The following SGK3 variants were observed in gnomAD, a reference collection of about 807,000 sequenced individuals.
SGK3 encodes the protein serum/glucocorticoid regulated kinase family member 3.
Under a neutral mutation model 68.5 loss-of-function variants are expected in SGK3, and 47 were observed. That is an observed-to-expected ratio of 0.69 (90% CI 0.54 to 0.87). The LOEUF (loss-of-function observed/expected upper bound fraction) is 0.87. Ranked by LOEUF, SGK3 falls within the 40% of genes least tolerant of loss-of-function variation. SGK3 has a pLI of 0.00. For missense variants in SGK3, 479 were observed against 575.5 expected, an observed-to-expected ratio of 0.83 and a Z score of 1.72; for synonymous variants, 181 against 189.1, an observed-to-expected ratio of 0.96 and a Z score of 0.35.
chr8:66,724,570 T>C (rs76673989), intron 1 of SGK3, among the ~76,000 whole-genome samples: 20,099 of 152,114 alleles, frequency 0.13, 2,517 homozygotes, highest in African/African-American at 0.33. Flanking sequence ...AGCAATACTC[T>C]GTCTCAAGAA....
At chr8:66,742,033 A>T (rs1647676423) in intron 1 of SGK3, among the ~76,000 whole-genome samples, 1 of 152,244 alleles carries the variant, frequency 6.6e-6, no homozygotes. Flanking sequence ...GTCCTTGGGA[A>T]GTACATTACA....
At chr8:66,797,710 G>A (rs1205207338) in intron 2 of SGK3, among the ~76,000 whole-genome samples, 2 of 152,184 alleles carry the variant, frequency 1.3e-5, no homozygotes, top group African/African-American at 4.8e-5. Context: ...ACTAACAATT[G>A]AAGGTTTTTT....
chr8:66,823,886 A>G (rs940875265), intron 6 of SGK3, among the ~76,000 whole-genome samples: 13 of 152,194 alleles, frequency 8.5e-5, no homozygotes, highest in African/African-American at 2.9e-4. Flanking sequence ...CATAATTTAA[A>G]CTTTTAAACA....
chr8:66,798,315 C>G (rs947279199), intron 2 of SGK3, among the ~76,000 whole-genome samples: 2 of 151,970 alleles, frequency 1.3e-5, no homozygotes, highest in African/African-American at 2.4e-5. Context: ...GCCAAGAATA[C>G]CATTTGACAA....
intron 1 of SGK3, among the ~76,000 whole-genome samples, chr8:66,722,075 A>T (rs1421822879): frequency 6.6e-6 from 1 of 151,862 alleles, no homozygotes; most frequent in Non-Finnish European, 1.5e-5. Flanking sequence ...CCTGCTGGAG[A>T]CTCTTACAAG....
rs745971927 is a variant in SGK3, at chr8:66,798,598, T to C, written c.153T>C (p.Tyr51=). The change falls in exon 3 of 17, where the codon TAT becomes TAC. Residue 51 remains tyrosine, a synonymous_variant. Transcript: ENST00000521198. ...GRSEWFVFRR[Y]AEFDKLYNTL... is the part of the protein sequence containing the mutation. Reference sequence around the variant, plus strand: ...GTGAATGGTTTGTCTTCAGGAGATATGCAGAGTTTGATAAACTTTATAACA... The same window carrying C: ...GTGAATGGTTTGTCTTCAGGAGATACGCAGAGTTTGATAAACTTTATAACA... 14 of 1,611,552 alleles carry C rather than the reference T, an allele frequency of 8.7e-6. No homozygotes were observed. The highest frequency in any genetic ancestry group is 1.1e-5 in the Non-Finnish European group (13 of 1,178,738).
intron 1 of SGK3, among the ~76,000 whole-genome samples, chr8:66,764,305 G>C (rs1478550778): frequency 6.6e-6 from 1 of 151,790 alleles, no homozygotes; most frequent in Non-Finnish European, 1.5e-5. Flanking sequence ...TTATTTTGAA[G>C]TTATTTGAAG....
chr8:66,723,680 A>G (rs1008939760), intron 1 of SGK3, among the ~76,000 whole-genome samples: 2 of 152,102 alleles, frequency 1.3e-5, no homozygotes, highest in African/African-American at 4.8e-5. Context: ...CCTGGGCTCA[A>G]GTGTACCCAC....
chr8:66,840,137 G>A (rs1268189929), intron 11 of SGK3, 22 bp downstream of exon 11: 12 of 1,604,708 alleles, frequency 7.5e-6, no homozygotes, highest in Non-Finnish European at 7.7e-6. Flanking sequence ...AAATATACTT[G>A]TAAAAATTGT....
chr8:66,787,928 AACC>A (rs1162543850), intron 1 of SGK3, among the ~76,000 whole-genome samples: 1 of 152,176 alleles, frequency 6.6e-6, no homozygotes, highest in Non-Finnish European at 1.5e-5. Flanking sequence ...CTTACAGGTA[AACC>A]ACCACGTGTA....
intron 6 of SGK3, among the ~76,000 whole-genome samples, chr8:66,823,791 G>A (rs1808944591): frequency 6.6e-6 from 1 of 152,168 alleles, no homozygotes; most frequent in Non-Finnish European, 1.5e-5. Flanking sequence ...CGAAGGTTAT[G>A]TGGGAGAAGT....
At chr8:66,808,891 CAG>C (rs1343434772) in intron 4 of SGK3, among the ~76,000 whole-genome samples, 1 of 148,172 alleles carries the variant, frequency 6.7e-6, no homozygotes, top group Non-Finnish European at 1.5e-5. Flanking sequence ...TTTTTTGAGA[CAG>C]AGGCTCTCCC....
rs1563592133 is a variant in SGK3 at position 66,717,228 on chromosome 8, CAAAAAAAACAAAAAAAAAA to C, written c.-122+4396_-122+4414del. On this transcript the variant is annotated intron_variant, in intron 1 of 16. Transcript: ENST00000521198. The stretch of plus-strand genomic sequence containing the variant: ...ATCTGAAAAAAAAAAACAAAAAAAA[CAAAAAAAACAAAAAAAAAA>C]CGCTGGGCTTGGTGGCTCACGCCTA... Among the ~76,000 whole-genome samples the C allele has an allele frequency of 4.9e-3, 544 of 109,976 alleles. 9 individuals are homozygous for C. The highest frequency in any genetic ancestry group is 0.028 in the African/African-American group (520 of 18,378). The allele number at this position is 109,976 out of a possible 152,430, so 72.1% of individuals were successfully genotyped here.
At position 66,776,953 on chromosome 8, in the gene SGK3, A is replaced by G. The variant is rs185404143; in HGVS notation, c.-121-16663A>G. On this transcript the variant is annotated intron_variant, in intron 1 of 16. Coordinates refer to ENST00000521198, the MANE Select transcript of SGK3 (RefSeq NM_001033578.3). ...GAATGTAAACAGCCAGTATAAACAA[A>G]TTGACCTACTAGGCAGTTTTTTTAT... is the stretch of plus-strand genomic sequence containing the variant. Among the ~76,000 whole-genome samples, 305 of 152,352 alleles carry G rather than the reference A, an allele frequency of 2.0e-3. 1 individual carries two copies. Among genetic ancestry groups the G allele is most frequent in the Non-Finnish European group, 3.1e-3 (212 of 68,036 alleles).
intron 4 of SGK3, among the ~76,000 whole-genome samples, chr8:66,813,633 A>T (rs1808466804): frequency 3.3e-5 from 5 of 149,690 alleles, no homozygotes; most frequent in Admixed American, 3.3e-4. Flanking sequence ...CTTAATTTTA[A>T]TATATAACTA....
At chr8:66,811,252 A>C (rs1808371972) in intron 4 of SGK3, among the ~76,000 whole-genome samples, 1 of 152,158 alleles carries the variant, frequency 6.6e-6, no homozygotes, top group African/African-American at 2.4e-5. Flanking sequence ...TCCTGGCCTC[A>C]AGTGATTCTT....
intron 1 of SGK3, among the ~76,000 whole-genome samples, chr8:66,784,694 A>C (rs546807575): frequency 1.3e-5 from 2 of 152,278 alleles, no homozygotes; most frequent in East Asian, 3.9e-4. Context: ...ATGAAGGAAA[A>C]AATCCTTTTT....
At chr8:66,737,958 G>T (rs1805372901) in intron 1 of SGK3, among the ~76,000 whole-genome samples, 1 of 151,644 alleles carries the variant, frequency 6.6e-6, no homozygotes. Context: ...ATGTCTATTT[G>T]TCTAATACTA....
chr8:66,821,385 C>A (rs539171333), intron 5 of SGK3, among the ~76,000 whole-genome samples: 1 of 151,878 alleles, frequency 6.6e-6, no homozygotes, highest in African/African-American at 2.4e-5. Context: ...ACTGGTATTC[C>A]CTATAGGCAG....
Sources: allele counts gnomAD v4.1 joint callset (sites outside exome capture counted in the v4.1 genomes callset), GRCh38; gene constraint gnomAD v4.1.1; transcripts MANE v1.5; gene names NCBI Gene and HGNC (gene_info 2026-07-23, HGNC 2026-07-21).